LRRTM4: variants seen among roughly 807,000 people sequenced by gnomAD.
The protein encoded by LRRTM4 is leucine-rich repeat transmembrane neuronal protein 4.
Under a neutral mutation model 47.6 loss-of-function variants are expected in LRRTM4, and 25 were observed. That is an observed-to-expected ratio of 0.53 (90% CI 0.38 to 0.73). The LOEUF is 0.73. Among genes scored for constraint, LRRTM4 ranks in the 30% least tolerant of loss-of-function variants. The pLI, the probability that LRRTM4 is intolerant of heterozygous loss-of-function variation, is 0.00. For missense variants in LRRTM4, 638 were observed against 713.4 expected (o/e 0.89, Z 1.20); for synonymous variants, 311 against 269.5 (o/e 1.15, Z -1.51).
intron 3 of LRRTM4, among the ~76,000 whole-genome samples, chr2:77,141,477 G>C (rs546942486): frequency 3.6e-4 from 51 of 140,360 alleles, no homozygotes; most frequent in East Asian, 2.5e-3. Flanking sequence ...GTCATGGGGT[G>C]GGGGGAGGGT....
Position 76,873,506 on chromosome 2 carries a change from G to GTGTATATATATATATA in LRRTM4, c.1552-124591_1552-124590insTATATATATATATACA, listed in dbSNP as rs367573475. Among the ~76,000 whole-genome samples the GTGTATATATATATATA allele has an allele frequency of 4.7e-3, 523 of 112,264 alleles. 15 individuals are homozygous for GTGTATATATATATATA. The highest frequency in any genetic ancestry group is 0.033 in the South Asian group (119 of 3,588). The allele number at this position is 112,264 out of a possible 152,430, so 73.6% of individuals were successfully genotyped here. A position where few individuals can be genotyped will look rare whatever the true frequency, so the allele number is the denominator to read the frequency against. On this transcript the variant is annotated intron_variant, in intron 3 of 3. Transcript: ENST00000409884. ...TATGTGTGTGTGTATATATATGTGTGTATATATATATATATATATATATAT... is the reference window on the plus strand; with the variant it reads ...TATGTGTGTGTGTATATATATGTGTGTGTATATATATATATATATATATATATATATATATATATAT...
chr2:76,899,064 T>G (rs868018644), intron 3 of LRRTM4, among the ~76,000 whole-genome samples: 3 of 151,890 alleles, frequency 2.0e-5, no homozygotes, highest in Admixed American at 6.6e-5. Flanking sequence ...AGCTACACAG[T>G]TGAAGAAATA....
At chr2:76,779,413 G>C (rs184749743) in intron 3 of LRRTM4, among the ~76,000 whole-genome samples, 1 of 146,926 alleles carries the variant, frequency 6.8e-6, no homozygotes, top group Non-Finnish European at 1.5e-5. Context: ...TTTGTAGGTC[G>C]CTCAGGACTT....
At chr2:76,753,000 G>C (rs1163681811) in intron 3 of LRRTM4, among the ~76,000 whole-genome samples, 1 of 152,108 alleles carries the variant, frequency 6.6e-6, no homozygotes, top group African/African-American at 2.4e-5. Context: ...AATGGATGTG[G>C]AGCACAGAAT....
At chr2:76,869,731 T>C (rs142238754) in intron 3 of LRRTM4, among the ~76,000 whole-genome samples, 68 of 152,160 alleles carry the variant, frequency 4.5e-4, no homozygotes, top group African/African-American at 1.6e-3. Context: ...GAAAATAGGA[T>C]TCAGAGTTTG....
intron 3 of LRRTM4, among the ~76,000 whole-genome samples, chr2:77,050,416 C>G (rs1041095400): frequency 6.6e-6 from 1 of 152,116 alleles, no homozygotes; most frequent in African/African-American, 2.4e-5. Context: ...ATCCCCTCAA[C>G]TATATTACCT....
chr2:77,358,567 A>G (rs1402407608), intron 3 of LRRTM4, among the ~76,000 whole-genome samples: 1 of 152,236 alleles, frequency 6.6e-6, no homozygotes. Flanking sequence ...AGCCGCTTCA[A>G]CGCATAATTT....
At chr2:76,808,519 C>T (rs576779026) in intron 3 of LRRTM4, among the ~76,000 whole-genome samples, 1 of 150,756 alleles carries the variant, frequency 6.6e-6, no homozygotes, top group Non-Finnish European at 1.5e-5. Context: ...CCGAAAGAAA[C>T]ACAATCACAA....
intron 3 of LRRTM4, among the ~76,000 whole-genome samples, chr2:77,233,928 G>T (rs1266508782): frequency 6.6e-6 from 1 of 152,106 alleles, no homozygotes; most frequent in Non-Finnish European, 1.5e-5. Context: ...CTCCCGAGTA[G>T]CTGGGATTAC....
At chr2:77,099,210 CA>C (rs1670887211) in intron 3 of LRRTM4, among the ~76,000 whole-genome samples, 1 of 151,762 alleles carries the variant, frequency 6.6e-6, no homozygotes, top group Non-Finnish European at 1.5e-5. Context: ...TTATCATATA[CA>C]AAGTACTATT....
intron 3 of LRRTM4, among the ~76,000 whole-genome samples, chr2:77,325,180 C>T: frequency 6.6e-6 from 1 of 152,048 alleles, no homozygotes. Flanking sequence ...CAAAGGACTG[C>T]CCCCCTTCAA....
intron 3 of LRRTM4, among the ~76,000 whole-genome samples, chr2:76,798,816 C>T (rs1409817472): frequency 6.6e-6 from 1 of 151,956 alleles, no homozygotes. Context: ...GAGAATACTA[C>T]AAACACCTCT....
chr2:77,518,917 T>C lies in LRRTM4; in HGVS notation c.952A>G (p.Ser318Gly). 6.2e-7 allele frequency: 1 copy of C among 1,608,766 alleles called. No individual in the cohort carries two copies. The highest frequency in any genetic ancestry group is 8.5e-7 in the Non-Finnish European group (1 of 1,177,236). The change falls in exon 3 of 4, where the codon AGC becomes GGC. Residue 318 changes from serine (S) to glycine (G), a missense_variant. By Grantham distance (56) the Ser-to-Gly change is moderately conservative. Transcript: ENST00000409884. ...LSGNMWECSR[S>G]ICPLFYWLKN... ...AGCCAATAAAATAAAGGACAAATGC[T>C]CCGACTGCATTCCCACATATTTCCA...
At chr2:76,877,978 A>G (rs1672824661) in intron 3 of LRRTM4, among the ~76,000 whole-genome samples, 1 of 152,120 alleles carries the variant, frequency 6.6e-6, no homozygotes, top group South Asian at 2.1e-4. Flanking sequence ...GTTCCCAGAT[A>G]TTTTGTTTTT....
At chr2:77,378,177 C>A (rs1672909287) in intron 3 of LRRTM4, among the ~76,000 whole-genome samples, 1 of 151,618 alleles carries the variant, frequency 6.6e-6, no homozygotes. Flanking sequence ...CTCTTTGGAT[C>A]TTGCCATATA....
intron 3 of LRRTM4, among the ~76,000 whole-genome samples, chr2:77,377,045 T>C (rs563623261): frequency 6.6e-6 from 1 of 152,134 alleles, no homozygotes; most frequent in African/African-American, 2.4e-5. Flanking sequence ...AGTGATGATA[T>C]AATATCATGT....
chr2:77,008,938 G>GAAAAAAAA (rs1346602340), intron 3 of LRRTM4: 1 of 81,932 alleles, frequency 1.2e-5, no homozygotes. Context: ...GAGCCAACAA[G>GAAAAAAAA]AAAAAAAAGA....
intron 3 of LRRTM4, among the ~76,000 whole-genome samples, chr2:77,412,391 A>G (rs921392853): frequency 1.6e-4 from 25 of 152,158 alleles, no homozygotes; most frequent in African/African-American, 5.6e-4. Flanking sequence ...GCATACCACA[A>G]TTGCATCTGT....
chr2:77,162,405 G>A (rs900624248), intron 3 of LRRTM4, among the ~76,000 whole-genome samples: 2 of 152,210 alleles, frequency 1.3e-5, no homozygotes, highest in Non-Finnish European at 2.9e-5. Context: ...GCAGGGCATA[G>A]CTGAACAAAA....
Sources: allele counts gnomAD v4.1 joint callset (sites outside exome capture counted in the v4.1 genomes callset), GRCh38; gene constraint gnomAD v4.1.1; transcripts MANE v1.5; gene names NCBI Gene and HGNC (gene_info 2026-07-23, HGNC 2026-07-21).